The following EBF1 variants were observed in gnomAD, a reference collection of about 807,000 sequenced individuals.
The protein encoded by EBF1 is EBF transcription factor 1.
In EBF1, 10 loss-of-function variants were observed where a neutral mutation model predicts 68.4. That is an observed-to-expected ratio of 0.15 (90% CI 0.09 to 0.25). The LOEUF is 0.25. Among genes scored for constraint, EBF1 ranks in the 10% least tolerant of loss-of-function variants. The probability of loss-of-function intolerance (pLI) is 1.00; values close to 1 mark genes in which losing one functional copy is unlikely to be tolerated. For synonymous variants in EBF1, 298 were observed against 299.8 expected (o/e 0.99, Z 0.06); for missense variants, 509 against 794.4 (o/e 0.64, Z 4.32).
At chr5:158,725,752 C>T (rs1451729171) in intron 11 of EBF1, among the ~76,000 whole-genome samples, 1 of 152,132 alleles carries the variant, frequency 6.6e-6, no homozygotes, top group South Asian at 2.1e-4. Flanking sequence ...GGAGAGAAAA[C>T]CCGGGTGAGA....
intron 10 of EBF1, among the ~76,000 whole-genome samples, chr5:158,755,610 C>A (rs926329435): frequency 6.6e-6 from 1 of 151,974 alleles, no homozygotes; most frequent in Non-Finnish European, 1.5e-5. Context: ...TAGCTGAAGG[C>A]CTAAAAGTGG....
intron 9 of EBF1, among the ~76,000 whole-genome samples, chr5:158,779,167 T>C (rs1008847774): frequency 6.6e-6 from 1 of 152,210 alleles, no homozygotes; most frequent in Admixed American, 6.5e-5. Flanking sequence ...AGGAGGTATC[T>C]ACCACATTGC....
At chr5:158,987,301 G>A (rs552422868) in intron 6 of EBF1, 1 of 152,302 alleles carries the variant, frequency 6.6e-6, no homozygotes, top group African/African-American at 2.4e-5. Flanking sequence ...ATAGTGTCTG[G>A]AGTATAATAA....
chr5:158,917,770 A>G (rs1253230602), intron 6 of EBF1, among the ~76,000 whole-genome samples: 1 of 152,234 alleles, frequency 6.6e-6, no homozygotes, highest in Non-Finnish European at 1.5e-5. Flanking sequence ...ATGACGGGAC[A>G]TCCAGAAAAA....
At chr5:158,796,563 A>C in intron 8 of EBF1, 88 bp from the exon 9 acceptor site, 1 of 1,444,010 alleles carries the variant, frequency 6.9e-7, no homozygotes, top group Non-Finnish European at 9.2e-7. Context: ...GGAAAAAAAA[A>C]ATCTTTTATC....
At position 158,834,462 on chromosome 5, in the gene EBF1, C is replaced by T. The variant is rs10058213; in HGVS notation, c.636+5567G>A. Among the ~76,000 whole-genome samples, 1,292 of 151,926 alleles carry T rather than the reference C, an allele frequency of 8.5e-3. 27 individuals carry two copies. Among genetic ancestry groups the T allele is most frequent in the African/African-American group, 0.03 (1,224 of 41,400 alleles). On this transcript the variant is annotated intron_variant, in intron 7 of 15. Transcript: ENST00000313708. ...GTTGTATTTAAGCAAATTTCTTACC[C>T]TAACTACAGCCTAGGGATTTCAAAA...
At chr5:158,976,724 G>A (rs980818967) in intron 6 of EBF1, among the ~76,000 whole-genome samples, 15 of 152,116 alleles carry the variant, frequency 9.9e-5, no homozygotes, top group Admixed American at 7.9e-4. Context: ...CCAAAAGCAA[G>A]CCAGTCAATA....
intron 10 of EBF1, among the ~76,000 whole-genome samples, chr5:158,765,187 C>T (rs1772390816): frequency 6.6e-6 from 1 of 151,940 alleles, no homozygotes; most frequent in Non-Finnish European, 1.5e-5. Context: ...TTAGATAACC[C>T]TCCTATGTCT....
chr5:158,902,689 CA>C (rs1803688272), intron 6 of EBF1, among the ~76,000 whole-genome samples: 1 of 151,718 alleles, frequency 6.6e-6, no homozygotes, highest in Non-Finnish European at 1.5e-5. Flanking sequence ...CTCCTGGTCT[CA>C]AGGGATCCTC....
intron 6 of EBF1, among the ~76,000 whole-genome samples, chr5:158,939,084 C>G (rs1373327483): frequency 6.6e-6 from 1 of 152,174 alleles, no homozygotes; most frequent in Non-Finnish European, 1.5e-5. Context: ...CACACATGTG[C>G]TTTTATGCAT....
At chr5:158,717,152 A>T (rs1022295504) in intron 11 of EBF1, among the ~76,000 whole-genome samples, 2 of 152,254 alleles carry the variant, frequency 1.3e-5, no homozygotes, top group African/African-American at 4.8e-5. Flanking sequence ...TGTAAAAGGC[A>T]TTATAAAAAT....
At chr5:159,063,812 C>T (rs1776276412) in intron 6 of EBF1, among the ~76,000 whole-genome samples, 1 of 152,204 alleles carries the variant, frequency 6.6e-6, no homozygotes, top group Admixed American at 6.5e-5. Context: ...GCAAGAGCTA[C>T]CTGATTTTAA....
chr5:159,012,470 T>A (rs974528830), intron 6 of EBF1, among the ~76,000 whole-genome samples: 4 of 151,790 alleles, frequency 2.6e-5, no homozygotes, highest in African/African-American at 4.8e-5. Flanking sequence ...AATGTGACTG[T>A]ATTTGGAGAG....
intron 6 of EBF1, among the ~76,000 whole-genome samples, chr5:158,992,404 A>G (rs1760515119): frequency 6.6e-6 from 1 of 152,022 alleles, no homozygotes; most frequent in East Asian, 1.9e-4. Context: ...TTATAAATAC[A>G]TTTAGATCCA....
At chr5:158,984,680 C>CTTT in intron 6 of EBF1, 3 of 138,672 alleles carry the variant, frequency 2.2e-5, no homozygotes, top group African/African-American at 8.1e-5. Context: ...CTGCTTTCTT[C>CTTT]CTTTTTTTTT....
chr5:159,028,321 C>T (rs183264120), intron 6 of EBF1, among the ~76,000 whole-genome samples: 1 of 152,176 alleles, frequency 6.6e-6, no homozygotes, highest in East Asian at 1.9e-4. Flanking sequence ...GAGAGTAAAC[C>T]CAATAAATAT....
In EBF1 at chr5:158,802,749, C is replaced by G. The variant is rs191192358; in HGVS notation, c.779-6274G>C. ...TCTTACCTTCTTTAAGTTGTAGTTTCCATAAGGGCACTCACCTCACAGAGT... is the reference window on the plus strand; with the variant it reads ...TCTTACCTTCTTTAAGTTGTAGTTTGCATAAGGGCACTCACCTCACAGAGT... On this transcript the variant is annotated intron_variant, in intron 8 of 15. Coordinates refer to ENST00000313708, the MANE Select transcript of EBF1 (RefSeq NM_024007.5). 4.6e-5 allele frequency among the ~76,000 whole-genome samples: 7 copies of G among 152,244 alleles called. 1 individual carries two copies. Among genetic ancestry groups the G allele is most frequent in the Admixed American group, 4.6e-4 (7 of 15,282 alleles).
chr5:158,819,162 T>TA (rs935503246), intron 8 of EBF1, among the ~76,000 whole-genome samples: 1 of 152,134 alleles, frequency 6.6e-6, no homozygotes, highest in African/African-American at 2.4e-5. Context: ...ATATCCCCTT[T>TA]AAAAAAATGA....
chr5:158,909,956 T>TTAAAAAAAAAA (rs772406186), intron 6 of EBF1, among the ~76,000 whole-genome samples: 1 of 46,730 alleles, frequency 2.1e-5, no homozygotes, highest in African/African-American at 7.3e-5. Context: ...ACTCTGTCTA[T>TTAAAAAAAAAA]AAAAAAAAAA....
Sources: allele counts gnomAD v4.1 joint callset (sites outside exome capture counted in the v4.1 genomes callset), GRCh38; gene constraint gnomAD v4.1.1; transcripts MANE v1.5; gene names NCBI Gene and HGNC (gene_info 2026-07-23, HGNC 2026-07-21).